Variants in LIPG observed in about 807,000 individuals in gnomAD.
The protein encoded by LIPG is endothelial lipase.
A neutral mutation model predicts 51.8 loss-of-function variants in LIPG; 34 were observed. The observed-to-expected ratio is 0.66, with a 90% confidence interval of 0.50 to 0.87. The LOEUF (loss-of-function observed/expected upper bound fraction) is 0.87. Among genes scored for constraint, LIPG ranks in the 40% least tolerant of loss-of-function variants. The pLI is 0.00. For synonymous variants in LIPG, 246 were observed against 246.1 expected, an observed-to-expected ratio of 1.00 and a Z score of 0.00; for missense variants, 580 against 652.7, an observed-to-expected ratio of 0.89 and a Z score of 1.21.
intron 5 of LIPG, among the ~76,000 whole-genome samples, chr18:49,579,808 C>CTTTTCTTTTCTTTTCTT: frequency 8.9e-6 from 1 of 112,364 alleles, no homozygotes. Flanking sequence ...CTTTTCTTTT[C>CTTTTCTTTTCTTTTCTT]TTTTCTTTTC....
At chr18:49,579,743 T>TCTTTCCTTTC (rs373290539) in intron 5 of LIPG, among the ~76,000 whole-genome samples, 3,673 of 130,568 alleles carry the variant, frequency 0.028, 158 homozygotes, top group Middle Eastern at 0.055. Flanking sequence ...TGATGGCCTT[T>TCTTTCCTTTC]CTTTCCTTTC....
intron 1 of LIPG, among the ~76,000 whole-genome samples, chr18:49,564,954 A>G (rs2084586933): frequency 6.6e-6 from 1 of 152,230 alleles, no homozygotes. Context: ...CTAAATTCTG[A>G]AACTCACCTG....
rs1442781655 is a variant in LIPG, at chr18:49,593,651, GTAT to G, written c.*3131_*3133del. 6.6e-6 allele frequency: 1 copy of G among 152,204 alleles called. No homozygotes were observed. Among genetic ancestry groups the G allele is most frequent in the African/African-American group, 2.4e-5 (1 of 41,432 alleles). The allele number at this position is 152,204 out of a possible 1,614,324, so 9.4% of individuals were successfully genotyped here. ...AGTTTTTCACTGTGCCATTCATGGG[GTAT>G]TCCTCGCATCCCCACAGCCCAGGGG... On this transcript the variant is annotated 3_prime_UTR_variant, in exon 10 of 10. Transcript: ENST00000261292.
In LIPG at chr18:49,591,772, G is replaced by A. The variant is rs558604667; in HGVS notation, c.*1250G>A. ...TGTATGCATTGCCTAATTAGAGTAG[G>A]GGGAGAAGGGCAACTATTATTATCC... is the stretch of plus-strand genomic sequence containing the variant. On this transcript the variant is annotated 3_prime_UTR_variant, in exon 10 of 10. Coordinates refer to ENST00000261292, the MANE Select transcript of LIPG (RefSeq NM_006033.4). 6.6e-6 allele frequency: 1 copy of A among 152,148 alleles called. No homozygotes were observed. The highest frequency in any genetic ancestry group is 2.4e-5 in the African/African-American group (1 of 41,430). The allele number at this position is 152,148 out of a possible 1,614,324, so 9.4% of individuals were successfully genotyped here.
At position 49,572,730 on chromosome 18, in the gene LIPG, TA is replaced by T. The variant is rs149836695; in HGVS notation, c.572-2617del. 8.7e-3 allele frequency among the ~76,000 whole-genome samples: 1,135 copies of T among 130,836 alleles called. 12 individuals are homozygous for T. Among genetic ancestry groups the T allele is most frequent in the African/African-American group, 0.022 (779 of 34,630 alleles). 85.8% of individuals were successfully genotyped at this position (130,836 alleles called of 152,430 possible). ...TGGGCAACAGAGTGAGACCCTGTCT[TA>T]AAAAAAAAAAAAAAAAAAAAAGTAG... is the stretch of plus-strand genomic sequence containing the variant. On this transcript the variant is annotated intron_variant, in intron 4 of 9. Transcript: ENST00000261292.
At chr18:49,583,807 G>T in intron 8 of LIPG, 33 bp downstream of exon 8, 1 of 1,571,114 alleles carries the variant, frequency 6.4e-7, no homozygotes, top group Non-Finnish European at 8.7e-7. Context: ...TCTGCCTGGT[G>T]TAGGTGGGGA....
rs2084986215 is a variant in LIPG, at chr18:49,597,003, T to G, written c.*6481T>G. The G allele has an allele frequency of 6.6e-6, 1 of 152,250 alleles. No individual in the cohort carries two copies. Among genetic ancestry groups the G allele is most frequent in the Non-Finnish European group, 1.5e-5 (1 of 68,042 alleles). 9.4% of individuals were successfully genotyped at this position (152,250 alleles called of 1,614,324 possible). Reference sequence around the variant, plus strand: ...GACCTTTACCTGGTCCAGAGTTGTCTGCATTGTTTAAAGAAGACGTTTGTT... The same window carrying G: ...GACCTTTACCTGGTCCAGAGTTGTCGGCATTGTTTAAAGAAGACGTTTGTT... On this transcript the variant is annotated 3_prime_UTR_variant, in exon 10 of 10. Transcript: ENST00000261292.
At chr18:49,583,207 C>T (rs1206352499) in intron 7 of LIPG, among the ~76,000 whole-genome samples, 4 of 152,160 alleles carry the variant, frequency 2.6e-5, no homozygotes, top group Admixed American at 1.3e-4. Flanking sequence ...TAAGGCTGAG[C>T]GGAACAGCGC....
In LIPG at chr18:49,594,922, G is replaced by A. The variant is rs1006189229; in HGVS notation, c.*4400G>A. ...AAGAAAATTGTTGAAATTTCCCAAA[G>A]GAAGAGTCATAGCCTGGATGACTGC... is the stretch of plus-strand genomic sequence containing the variant. On this transcript the variant is annotated 3_prime_UTR_variant, in exon 10 of 10. Coordinates refer to ENST00000261292, the MANE Select transcript of LIPG (RefSeq NM_006033.4). The A allele has an allele frequency of 6.6e-6, 1 of 152,196 alleles. No individual in the cohort carries two copies. The highest frequency in any genetic ancestry group is 2.4e-5 in the African/African-American group (1 of 41,452). The allele number at this position is 152,196 out of a possible 1,614,324, so 9.4% of individuals were successfully genotyped here. A position where few individuals can be genotyped will look rare whatever the true frequency, so the allele number is the denominator to read the frequency against.
intron 2 of LIPG, among the ~76,000 whole-genome samples, chr18:49,566,964 T>C (rs553306477): frequency 6.6e-6 from 1 of 152,318 alleles, no homozygotes; most frequent in Non-Finnish European, 1.5e-5. Flanking sequence ...GACAAATACC[T>C]GCGTAGTGAT....
Position 49,581,669 on chromosome 18 carries a change from T to G in LIPG, c.1036+12T>G. The G allele has an allele frequency of 6.2e-7, 1 of 1,612,054 alleles. No homozygotes were observed. The highest frequency in any genetic ancestry group is 8.5e-7 in the Non-Finnish European group (1 of 1,180,018). The stretch of plus-strand genomic sequence containing the variant: ...CATGCCTTTCAGAGGTAACCTTCAG[T>G]CCCTGGAGTGTCCCTGAGGAAGGCC... On this transcript the variant is annotated intron_variant, in intron 6 of 9. Coordinates refer to ENST00000261292, the MANE Select transcript of LIPG (RefSeq NM_006033.4).
At chr18:49,577,792 G>C (rs1409860521) in intron 5 of LIPG, among the ~76,000 whole-genome samples, 3 of 114,338 alleles carry the variant, frequency 2.6e-5, no homozygotes, top group African/African-American at 1.2e-4. Context: ...GCCAGGCGGG[G>C]GGCTGACCCC....
chr18:49,593,605 C>G lies in LIPG; in HGVS notation c.*3083C>G, dbSNP rs908856130. 1 of 152,230 alleles carries G rather than the reference C, an allele frequency of 6.6e-6. No homozygotes were observed. Among genetic ancestry groups the G allele is most frequent in the African/African-American group, 2.4e-5 (1 of 41,524 alleles). 9.4% of individuals were successfully genotyped at this position (152,230 alleles called of 1,614,324 possible). Reference sequence around the variant, plus strand: ...TGGTAGTAAGGTTCTATTCTACAGGCCAAGAGGGCTGCAGGTTCTTAGTTT... The same window carrying G: ...TGGTAGTAAGGTTCTATTCTACAGGGCAAGAGGGCTGCAGGTTCTTAGTTT... On this transcript the variant is annotated 3_prime_UTR_variant, in exon 10 of 10. Coordinates refer to ENST00000261292, the MANE Select transcript of LIPG (RefSeq NM_006033.4).
chr18:49,565,362 C>G lies in LIPG; in HGVS notation c.143C>G (p.Ser48Cys), dbSNP rs756342921. ...PKATQTEVKP[S>C]VRFNLRTSKD... Reference sequence around the variant, plus strand: ...GCTACACAGACTGAGGTCAAACCATCTGTGAGGTTTAACCTCCGCACCTCC... The same window carrying G: ...GCTACACAGACTGAGGTCAAACCATGTGTGAGGTTTAACCTCCGCACCTCC... Residue 48 changes from serine (S) to cysteine (C), a missense_variant, in exon 2 of 10, where the codon TCT (serine) becomes TGT (cysteine). Coordinates refer to ENST00000261292, the MANE Select transcript of LIPG (RefSeq NM_006033.4). 1.6e-5 allele frequency: 26 copies of G among 1,614,088 alleles called. No homozygotes were observed. The highest frequency in any genetic ancestry group is 2.0e-5 in the Non-Finnish European group (24 of 1,180,034).
intron 4 of LIPG, among the ~76,000 whole-genome samples, chr18:49,574,206 GGGCTTGGTAA>G: frequency 6.6e-6 from 1 of 152,246 alleles, no homozygotes; most frequent in Middle Eastern, 3.4e-3. Context: ...ATAATCACTT[GGGCTTGGTAA>G]TAGTAGCTAA....
At chr18:49,575,665 C>A (rs745853623) in intron 5 of LIPG, 75 bp downstream of exon 5, 517 of 1,118,156 alleles carry the variant, frequency 4.6e-4, no homozygotes, top group Non-Finnish European at 5.6e-4. Context: ...GAGCCTTTAG[C>A]ACTGCAGGCA....
At chr18:49,587,965 T>G (rs1166441299) in intron 9 of LIPG, among the ~76,000 whole-genome samples, 1 of 152,146 alleles carries the variant, frequency 6.6e-6, no homozygotes, top group African/African-American at 2.4e-5. Context: ...ATTTGTGTAT[T>G]TTTTTGCAGA....
intron 1 of LIPG, among the ~76,000 whole-genome samples, chr18:49,564,136 C>T (rs751912652): frequency 1.5e-4 from 23 of 152,198 alleles, no homozygotes; most frequent in Non-Finnish European, 2.6e-4. Context: ...TCTCTCCCTC[C>T]TTTCCCCTCC....
intron 9 of LIPG, among the ~76,000 whole-genome samples, chr18:49,588,670 A>G (rs2084910057): frequency 6.6e-6 from 1 of 152,130 alleles, no homozygotes; most frequent in Non-Finnish European, 1.5e-5. Flanking sequence ...AGGGGTTGTC[A>G]TGCTTCACTA....
Sources: gnomAD v4.1 joint callset for allele counts (sites outside exome capture counted in the v4.1 genomes callset) on GRCh38, gnomAD v4.1.1 for gene constraint, MANE v1.5 for transcripts, NCBI Gene and HGNC (gene_info 2026-07-23, HGNC 2026-07-21) for gene names.